DPF2: variants seen among roughly 807,000 people sequenced by gnomAD.
DPF2 encodes the protein double PHD fingers 2, also known as zinc finger protein ubi-d4.
In DPF2, 10 loss-of-function variants were observed where a neutral mutation model predicts 59.6. The ratio of observed to expected loss-of-function variants is 0.17; its 90% CI spans 0.10 to 0.28. The LOEUF is 0.28. Among genes scored for constraint, DPF2 ranks in the 10% least tolerant of loss-of-function variants. DPF2 has a pLI of 1.00. For synonymous variants in DPF2, 189 were observed against 190.6 expected (o/e 0.99, Z 0.07); for missense variants, 315 against 509.4 (o/e 0.62, Z 3.67).
intron 1 of DPF2, among the ~76,000 whole-genome samples, chr11:65,337,475 ATATATAT>A (rs1305684358): frequency 7.7e-4 from 24 of 31,094 alleles, no homozygotes; most frequent in Admixed American, 1.0e-3. Context: ...AAAAAAAAAA[ATATATAT>A]ATATATATAT....
chr11:65,344,656 CT>C (rs2137700940), intron 6 of DPF2: 1 of 1,533,962 alleles, frequency 6.5e-7, no homozygotes, highest in African/African-American at 1.4e-5. Context: ...TGTGGTTTTC[CT>C]TTCCCTTTTT....
chr11:65,344,135 G>A lies in DPF2; in HGVS notation c.637+66G>A, dbSNP rs566615140. 367 of 1,523,668 alleles carry A rather than the reference G, an allele frequency of 2.4e-4. 1 individual carries two copies. The highest frequency in any genetic ancestry group is 9.6e-4 in the South Asian group (85 of 88,356). 94.4% of individuals were successfully genotyped at this position (1,523,668 alleles called of 1,614,324 possible). A position where few individuals can be genotyped will look rare whatever the true frequency, so the allele number is the denominator to read the frequency against. Reference sequence around the variant, plus strand: ...CCCAGCTCCTGCTCTGGATATGAGAGGAGGGAGGGTTGTGTTTTTGCCCAG... The same window carrying A: ...CCCAGCTCCTGCTCTGGATATGAGAAGAGGGAGGGTTGTGTTTTTGCCCAG... On this transcript the variant is annotated intron_variant, in intron 6 of 10. Transcript: ENST00000528416.
In DPF2 at chr11:65,341,468, G is replaced by A. The variant is rs748705843; in HGVS notation, c.371G>A (p.Arg124His). 25 of 1,614,084 alleles carry A rather than the reference G, an allele frequency of 1.5e-5. No individual in the cohort carries two copies. The highest frequency in any genetic ancestry group is 1.9e-5 in the Non-Finnish European group (22 of 1,180,042). The change falls in exon 4 of 11, where the codon CGC becomes CAC. Residue 124 changes from arginine to histidine, a missense_variant. By Grantham distance (29) the Arg-to-His change is conservative (BLOSUM62 0). This residue lies in a region of DPF2 where 228 missense variants were observed against 275.3 expected (regional missense o/e 0.83). Coordinates refer to ENST00000528416, the MANE Select transcript of DPF2 (RefSeq NM_006268.5). Reference protein sequence around the residue: ...QDGSSLEALLRTDPLEKRGAP... With the variant: ...QDGSSLEALLHTDPLEKRGAP... ...GGCAGTAGTTTAGAGGCTCTGTTGC[G>A]CACTGACCCCCTGGAGAAGCGAGGT...
rs199784907 is a variant in DPF2, at chr11:65,333,881, G to A, written c.-6G>A. ...CTTCTCGGCCCGAGGCAGAGGAACA[G>A]GGAAGATGGCGGCTGTGGTGGAGAA... is the stretch of plus-strand genomic sequence containing the variant. On this transcript the variant is annotated 5_prime_UTR_variant, in exon 1 of 11. Transcript: ENST00000528416. The A allele has an allele frequency of 4.8e-5, 78 of 1,614,014 alleles. No homozygotes were observed. The African/African-American group carries it at 9.7e-4, about 20-fold the overall frequency.
chr11:65,339,728 T>TA (rs1293934934), intron 1 of DPF2, among the ~76,000 whole-genome samples: 1 of 152,254 alleles, frequency 6.6e-6, no homozygotes, highest in East Asian at 1.9e-4. Context: ...TCCATTTTGT[T>TA]ACATAAATGA....
chr11:65,334,516 G>A (rs1272151228), intron 1 of DPF2, among the ~76,000 whole-genome samples: 1 of 152,220 alleles, frequency 6.6e-6, no homozygotes, highest in Admixed American at 6.5e-5. Flanking sequence ...GTGGGCCTTG[G>A]CCCCGTCCAG....
intron 10 of DPF2, among the ~76,000 whole-genome samples, chr11:65,351,089 C>T (rs758062427): frequency 2.0e-5 from 3 of 152,056 alleles, no homozygotes; most frequent in African/African-American, 4.8e-5. Context: ...ACTTTGCCAA[C>T]CGTATTGACC....
intron 1 of DPF2, among the ~76,000 whole-genome samples, chr11:65,334,625 T>C (rs1353754175): frequency 6.6e-6 from 1 of 152,140 alleles, no homozygotes; most frequent in African/African-American, 2.4e-5. Flanking sequence ...TACGATACCA[T>C]TGTGCTGGTC....
intron 2 of DPF2, 76 bp downstream of exon 2, chr11:65,340,621 C>T: frequency 3.2e-6 from 5 of 1,567,970 alleles, no homozygotes; most frequent in Non-Finnish European, 4.3e-6. Context: ...GGTGATGAGA[C>T]AGTTGATAGG....
chr11:65,336,587 T>G (rs1950098147), intron 1 of DPF2, among the ~76,000 whole-genome samples: 1 of 150,568 alleles, frequency 6.6e-6, no homozygotes, highest in Non-Finnish European at 1.5e-5. Context: ...GTCAGGAGAT[T>G]GAGACCATCC....
rs750966513 is a variant in DPF2 at position 65,344,542 on chromosome 11, A to G, written c.637+473A>G. 2.5e-5 allele frequency: 39 copies of G among 1,533,662 alleles called. No homozygotes were observed. In the South Asian group the frequency reaches 4.1e-4, roughly 16 times the overall value. On this transcript the variant is annotated intron_variant, in intron 6 of 10. Transcript: ENST00000528416. The stretch of plus-strand genomic sequence containing the variant: ...CTGCTGCTCCTGTCTCAAGTGTATC[A>G]AGGCCTTCTTCTCATGACTTTTCTT...
At chr11:65,346,489 C>G (rs1854535180) in intron 9 of DPF2, 130 bp downstream of exon 9, 2 of 728,928 alleles carry the variant, frequency 2.7e-6, no homozygotes, top group Admixed American at 5.5e-5. Flanking sequence ...ACGCCCCTCC[C>G]TAGCATCTCA....
chr11:65,342,209 C>T (rs113046136), intron 4 of DPF2, among the ~76,000 whole-genome samples: 22 of 152,314 alleles, frequency 1.4e-4, no homozygotes, highest in African/African-American at 4.3e-4. Flanking sequence ...CCTTATCTGT[C>T]TTTGCTAAAC....
chr11:65,336,034 G>C (rs961464200), intron 1 of DPF2, among the ~76,000 whole-genome samples: 1 of 151,270 alleles, frequency 6.6e-6, no homozygotes, highest in Admixed American at 6.6e-5. Context: ...GGCTGGTCTT[G>C]AACTCCTGAC....
rs561354638 is a variant in DPF2, at chr11:65,348,700, C to T, written c.1018-150C>T. 6.5e-5 allele frequency: 39 copies of T among 598,182 alleles called. No homozygotes were observed. In the Admixed American group the frequency reaches 9.2e-4, roughly 14 times the overall value. 37.1% of individuals were successfully genotyped at this position (598,182 alleles called of 1,614,324 possible). Reference sequence around the variant, plus strand: ...TGAGAAATGACAGTGACTGGATCTGCGGTGGAGAGGGGCAGCATGGTTTCC... The same window carrying T: ...TGAGAAATGACAGTGACTGGATCTGTGGTGGAGAGGGGCAGCATGGTTTCC... On this transcript the variant is annotated intron_variant, in intron 9 of 10. Coordinates refer to ENST00000528416, the MANE Select transcript of DPF2 (RefSeq NM_006268.5).
rs895896280 is a variant in DPF2 at position 65,354,115 on chromosome 11, G to C, written c.*2356G>C. ...GAGCTGTGAGCGGAGGGAGCAGCGA[G>C]GCTGGAGAGCAGCTGGGCTGCGGGT... On this transcript the variant is annotated 3_prime_UTR_variant, in exon 11 of 11. Transcript: ENST00000528416. 4.6e-5 allele frequency among the ~76,000 whole-genome samples: 7 copies of C among 152,344 alleles called. No homozygotes were observed. The South Asian group carries it at 1.4e-3, about 32-fold the overall frequency.
rs756830866 is a variant in DPF2 at position 65,341,083 on chromosome 11, A to C, written c.301+10A>C. The C allele has an allele frequency of 1.2e-6, 2 of 1,613,652 alleles. No individual in the cohort carries two copies. Among genetic ancestry groups the C allele is most frequent in the Non-Finnish European group, 1.7e-6 (2 of 1,179,768 alleles). On this transcript the variant is annotated intron_variant, in intron 3 of 10. Transcript: ENST00000528416. ...CCATCTATTAAGCCAGGTAAGGCAC[A>C]TACTTCCTGAGCAGAGGCGTGGCCT...
Position 65,345,734 on chromosome 11 carries a change from G to C in DPF2, c.706G>C (p.Glu236Gln), listed in dbSNP as rs1481373072. ...CTATGCCCACTCCCACTTGGCTGAG[G>C]AGGAGGGCGAGGACAAGGAAGACTC... ...YHYAHSHLAEEEGEDKEDSQP... is the reference protein window; with the variant it reads ...YHYAHSHLAEQEGEDKEDSQP... The change falls in exon 7 of 11, where the codon GAG becomes CAG. Residue 236 changes from glutamate (E) to glutamine (Q), a missense_variant. By Grantham distance (29) the Glu-to-Gln change is conservative (BLOSUM62 2). Transcript: ENST00000528416. 4 of 1,614,026 alleles carry C rather than the reference G, an allele frequency of 2.5e-6. No homozygotes were observed. The highest frequency in any genetic ancestry group is 3.4e-6 in the Non-Finnish European group (4 of 1,180,040).
At chr11:65,344,773 C>T (rs1854479026) in intron 6 of DPF2, 1 of 829,310 alleles carries the variant, frequency 1.2e-6, no homozygotes, top group Non-Finnish European at 1.9e-6. Flanking sequence ...CTGTGCTCTA[C>T]TCCTCAAAGT....
Sources: allele counts gnomAD v4.1 joint callset (sites outside exome capture counted in the v4.1 genomes callset), GRCh38; gene constraint gnomAD v4.1.1; regional missense constraint gnomAD v4.1.1; transcripts MANE v1.5; gene names NCBI Gene and HGNC (gene_info 2026-07-23, HGNC 2026-07-21).